DLG2: variants seen among roughly 807,000 people sequenced by gnomAD.
DLG2 encodes discs large MAGUK scaffold protein 2, also known as disks large homolog 2.
In DLG2, 45 loss-of-function variants were observed where a neutral mutation model predicts 132.5. That is an observed-to-expected ratio of 0.34 (90% CI 0.27 to 0.44). DLG2 has a LOEUF of 0.44. DLG2 is among the 20% of genes least tolerant of loss of function. The pLI, the probability that DLG2 is intolerant of heterozygous loss-of-function variation, is 1.00. For missense variants in DLG2, 1,045 were observed against 1,196.9 expected, an observed-to-expected ratio of 0.87 and a Z score of 1.87; for synonymous variants, 424 against 419.6, an observed-to-expected ratio of 1.01 and a Z score of -0.13.
At chr11:83,595,997 T>A (rs1449579834) in intron 19 of DLG2, among the ~76,000 whole-genome samples, 1 of 152,202 alleles carries the variant, frequency 6.6e-6, no homozygotes, top group East Asian at 1.9e-4. Context: ...ATGCATTTAT[T>A]CCTTTGTTTT....
chr11:83,911,237 C>A (rs2075991654), intron 15 of DLG2, among the ~76,000 whole-genome samples: 1 of 152,074 alleles, frequency 6.6e-6, no homozygotes, highest in South Asian at 2.1e-4. Context: ...GGGAATGAAG[C>A]TGACAATAGA....
intron 3 of DLG2, among the ~76,000 whole-genome samples, chr11:85,505,767 T>A (rs1473153349): frequency 6.6e-6 from 1 of 152,190 alleles, no homozygotes; most frequent in Non-Finnish European, 1.5e-5. Flanking sequence ...GCTTTTTCAA[T>A]TGATTGGAAT....
At chr11:84,709,676 T>C (rs1415252747) in intron 6 of DLG2, among the ~76,000 whole-genome samples, 2 of 151,864 alleles carry the variant, frequency 1.3e-5, no homozygotes, top group African/African-American at 2.4e-5. Context: ...TATCTTTGCT[T>C]GGTACAGAGG....
intron 6 of DLG2, among the ~76,000 whole-genome samples, chr11:84,670,293 C>G (rs541132085): frequency 6.6e-6 from 1 of 152,148 alleles, no homozygotes; most frequent in African/African-American, 2.4e-5. Context: ...GGCTCTCTCT[C>G]TCTCCTTCAA....
At chr11:84,730,733 T>C (rs1228627595) in intron 6 of DLG2, among the ~76,000 whole-genome samples, 1 of 151,988 alleles carries the variant, frequency 6.6e-6, no homozygotes, top group African/African-American at 2.4e-5. Context: ...AGATGGCTCT[T>C]CTAGCTGCAT....
At chr11:84,225,708 T>C (rs1248982112) in intron 8 of DLG2, among the ~76,000 whole-genome samples, 1 of 152,190 alleles carries the variant, frequency 6.6e-6, no homozygotes, top group Non-Finnish European at 1.5e-5. Flanking sequence ...TTCATCTTTA[T>C]GCATTCCATA....
In DLG2 at chr11:83,646,259, T is replaced by G. The variant is rs577202905; in HGVS notation, c.1826-12934A>C. ...TTTAGTGTTCCTTGCCCAAACAGCT[T>G]AGTTTGTTTCCCATTTTGAGTCACT... is the stretch of plus-strand genomic sequence containing the variant. On this transcript the variant is annotated intron_variant, in intron 18 of 27. Coordinates refer to ENST00000376104, the MANE Select transcript of DLG2 (RefSeq NM_001142699.3). Among the ~76,000 whole-genome samples, 25 of 152,210 alleles carry G rather than the reference T, an allele frequency of 1.6e-4. No individual in the cohort carries two copies. The South Asian group carries it at 5.2e-3, about 32-fold the overall frequency.
intron 11 of DLG2, among the ~76,000 whole-genome samples, chr11:84,050,277 C>T (rs2096340980): frequency 6.6e-6 from 1 of 151,324 alleles, no homozygotes; most frequent in Non-Finnish European, 1.5e-5. Flanking sequence ...TATAGTACGC[C>T]AGATAAGATA....
intron 6 of DLG2, among the ~76,000 whole-genome samples, chr11:84,633,915 G>T (rs970578738): frequency 6.6e-6 from 1 of 152,140 alleles, no homozygotes; most frequent in Admixed American, 6.6e-5. Flanking sequence ...GAATAAGCAA[G>T]TAATCACGGG....
intron 6 of DLG2, among the ~76,000 whole-genome samples, chr11:84,708,017 T>C (rs748268706): frequency 6.6e-6 from 1 of 151,784 alleles, no homozygotes; most frequent in Non-Finnish European, 1.5e-5. Context: ...GACTTTGGGC[T>C]TGGTCACTTT....
chr11:83,888,873 T>C (rs902533784), intron 15 of DLG2, among the ~76,000 whole-genome samples: 2 of 152,214 alleles, frequency 1.3e-5, no homozygotes, highest in African/African-American at 2.4e-5. Context: ...CCGTATTTAA[T>C]ACATGGTGCT....
At chr11:85,387,245 G>A (rs2086421318) in intron 3 of DLG2, among the ~76,000 whole-genome samples, 2 of 152,044 alleles carry the variant, frequency 1.3e-5, no homozygotes, top group Non-Finnish European at 2.9e-5. Flanking sequence ...ACCAATTATT[G>A]CAAATTGTAC....
Position 83,939,369 on chromosome 11 carries a change from G to A in DLG2, c.1341-8886C>T, listed in dbSNP as rs2082166829. ...GGTATTTTCAGGTTTGTTCTGTTGA[G>A]TATACTCCCCACATCTTCATATTCT... On this transcript the variant is annotated intron_variant, in intron 14 of 27. Coordinates refer to ENST00000376104, the MANE Select transcript of DLG2 (RefSeq NM_001142699.3). Among the ~76,000 whole-genome samples, 3 of 152,114 alleles carry A rather than the reference G, an allele frequency of 2.0e-5. No individual in the cohort carries two copies. The South Asian group carries it at 6.2e-4, about 32-fold the overall frequency.
chr11:84,194,868 C>A (rs1032268879), intron 8 of DLG2, among the ~76,000 whole-genome samples: 1 of 152,168 alleles, frequency 6.6e-6, no homozygotes, highest in African/African-American at 2.4e-5. Context: ...CTGGGGCCGG[C>A]GGCGCTGGCC....
chr11:84,770,128 A>C (rs1009559581), intron 6 of DLG2, among the ~76,000 whole-genome samples: 2 of 152,080 alleles, frequency 1.3e-5, no homozygotes, highest in Admixed American at 1.3e-4. Flanking sequence ...CTGGTTGCTT[A>C]AAAGTGTGTA....
chr11:85,244,590 G>C (rs993053779), intron 4 of DLG2, among the ~76,000 whole-genome samples: 9 of 151,934 alleles, frequency 5.9e-5, no homozygotes, highest in African/African-American at 2.2e-4. Context: ...TAATCAGATT[G>C]CTATTGATGC....
intron 3 of DLG2, among the ~76,000 whole-genome samples, chr11:85,442,719 A>G (rs1173610444): frequency 6.6e-6 from 1 of 152,068 alleles, no homozygotes; most frequent in Non-Finnish European, 1.5e-5. Flanking sequence ...AAAATAAAAA[A>G]TAAATTAAAA....
At chr11:83,790,523 A>G in intron 17 of DLG2, 1 of 1,270,478 alleles carries the variant, frequency 7.9e-7, no homozygotes, top group Non-Finnish European at 1.1e-6. Flanking sequence ...TTGCAACACC[A>G]GGAGCAGAGT....
At chr11:84,650,061 G>A (rs1433318665) in intron 6 of DLG2, among the ~76,000 whole-genome samples, 1 of 152,176 alleles carries the variant, frequency 6.6e-6, no homozygotes, top group African/African-American at 2.4e-5. Flanking sequence ...TCCAGTTGAT[G>A]TGTACTCTAG....
Sources: allele counts gnomAD v4.1 joint callset (sites outside exome capture counted in the v4.1 genomes callset), GRCh38; gene constraint gnomAD v4.1.1; transcripts MANE v1.5; gene names NCBI Gene and HGNC (gene_info 2026-07-23, HGNC 2026-07-21).